The following PCDHGB5 variants were observed in gnomAD, a reference collection of about 807,000 sequenced individuals.
PCDHGB5 encodes protocadherin gamma subfamily B, 5.
In PCDHGB5, 48 loss-of-function variants were observed where a neutral mutation model predicts 62.9. The ratio of observed to expected loss-of-function variants is 0.76; its 90% CI spans 0.61 to 0.97. The LOEUF is 0.97. PCDHGB5 is among the 50% of genes least tolerant of loss of function. The probability of loss-of-function intolerance (pLI) is 0.00; values close to 1 mark genes in which losing one functional copy is unlikely to be tolerated. For missense variants in PCDHGB5, 1,118 were observed against 1,198.6 expected, an observed-to-expected ratio of 0.93 and a Z score of 0.99; for synonymous variants, 474 against 511.2, an observed-to-expected ratio of 0.93 and a Z score of 0.98.
At position 141,418,250 on chromosome 5, in the gene PCDHGB5, C is replaced by T. The variant is rs375149538; in HGVS notation, c.2397+17726C>T. ...GATTGAGGATGTTAATGACCACGCC[C>T]CTCAATTCCGGAAAGATGAAATAAA... On this transcript the variant is annotated intron_variant, in intron 1 of 3. Transcript: ENST00000617380. The T allele has an allele frequency of 2.5e-5, 40 of 1,613,876 alleles. No individual in the cohort carries two copies. The African/African-American group carries it at 3.6e-4, about 15-fold the overall frequency.
chr5:141,419,274 C>T lies in PCDHGB5; in HGVS notation c.2397+18750C>T, dbSNP rs755798236. 17 of 1,613,900 alleles carry T rather than the reference C, an allele frequency of 1.1e-5. No homozygotes were observed. Among genetic ancestry groups the T allele is most frequent in the African/African-American group, 1.3e-5 (1 of 74,948 alleles). ...AACAACCAGCCGGGTGCCTCCATAG[C>T]GCAAGTCAGTGCCTCTGACCCAGAC... is the stretch of plus-strand genomic sequence containing the variant. On this transcript the variant is annotated intron_variant, in intron 1 of 3. Transcript: ENST00000617380.
Position 141,489,268 on chromosome 5 carries a change from G to T in PCDHGB5, c.2398-5539G>T. On this transcript the variant is annotated intron_variant, in intron 1 of 3. Transcript: ENST00000617380. This position sits in a 1 kb window ranked among gnomAD's most constrained non-coding sequence, Gnocchi z 4.5. The stretch of plus-strand genomic sequence containing the variant: ...GGGGCCCAAGACACTCCCACAGCTC[G>T]CTGGGAAATGGCAAGTGCTGTGCAT... The T allele has an allele frequency of 3.9e-6, 6 of 1,553,284 alleles. No homozygotes were observed. The South Asian group carries it at 5.0e-5, about 13-fold the overall frequency.
At position 141,490,561 on chromosome 5, in the gene PCDHGB5, A is replaced by C. The variant is rs2099701634; in HGVS notation, c.2398-4246A>C. The stretch of plus-strand genomic sequence containing the variant: ...TTCCCTACACAAACATCTCACCATC[A>C]GGCTCAACATTTCAGATGTCAATGA... On this transcript the variant is annotated intron_variant, in intron 1 of 3. Transcript: ENST00000617380. The surrounding 1 kb of genome is among the most constrained non-coding windows in gnomAD (Gnocchi z 5.4). The C allele has an allele frequency of 1.2e-6, 2 of 1,614,090 alleles. No homozygotes were observed. The highest frequency in any genetic ancestry group is 1.7e-4 in the Middle Eastern group (1 of 6,060).
chr5:141,485,466 T>C lies in PCDHGB5; in HGVS notation c.2398-9341T>C, dbSNP rs1485922901. ...ATCGACCGAGAGGCACTGTGTGGGC[T>C]CAGTGCCAGCTGCATCGTGCCCCTG... On this transcript the variant is annotated intron_variant, in intron 1 of 3. Transcript: ENST00000617380. The surrounding 1 kb of genome is among the most constrained non-coding windows in gnomAD (Gnocchi z 5.7). 6.2e-7 allele frequency: 1 copy of C among 1,613,868 alleles called. No individual in the cohort carries two copies. Among genetic ancestry groups the C allele is most frequent in the Non-Finnish European group, 8.5e-7 (1 of 1,179,924 alleles).
At chr5:141,479,486 A>T (rs72790065) in intron 1 of PCDHGB5, 21,264 of 152,292 alleles carry the variant, frequency 0.14, 1,529 homozygotes, top group Admixed American at 0.16. Context: ...GGGCAGGACC[A>T]TCAGGTTGCC....
At chr5:141,500,250 C>T (rs913074120) in intron 2 of PCDHGB5, among the ~76,000 whole-genome samples, 4 of 149,826 alleles carry the variant, frequency 2.7e-5, no homozygotes, top group African/African-American at 9.9e-5. Flanking sequence ...GCTCTGTCAC[C>T]CAGGCTGGAC....
At chr5:141,421,829 T>G in intron 1 of PCDHGB5, 5 of 1,613,784 alleles carry the variant, frequency 3.1e-6, no homozygotes, top group Non-Finnish European at 4.2e-6. Context: ...GAGGGAAGCC[T>G]GGACCGAGAG....
intron 1 of PCDHGB5, chr5:141,414,036 A>G: frequency 6.2e-7 from 1 of 1,612,018 alleles, no homozygotes; most frequent in South Asian, 1.1e-5. Context: ...CATTCCGAAA[A>G]TTACCTGACA....
Position 141,465,218 on chromosome 5 carries a change from A to G in PCDHGB5, c.2398-29589A>G, listed in dbSNP as rs151158068. ...ATAAAAATATAAGCTTTATTTTTCA[A>G]CATGAGCTCCATCAAGTTCAAGGCA... On this transcript the variant is annotated intron_variant, in intron 1 of 3. Coordinates refer to ENST00000617380, the MANE Select transcript of PCDHGB5 (RefSeq NM_018925.3). Among the ~76,000 whole-genome samples, 591 of 152,288 alleles carry G rather than the reference A, an allele frequency of 3.9e-3. 6 individuals carry two copies. The highest frequency in any genetic ancestry group is 0.011 in the Admixed American group (171 of 15,290).
intron 1 of PCDHGB5, among the ~76,000 whole-genome samples, chr5:141,472,346 C>G (rs1393301393): frequency 6.6e-6 from 1 of 151,722 alleles, no homozygotes; most frequent in Non-Finnish European, 1.5e-5. Flanking sequence ...TCGAGACCAT[C>G]CTGGCTAACA....
intron 1 of PCDHGB5, among the ~76,000 whole-genome samples, chr5:141,484,281 C>T (rs969039536): frequency 6.6e-6 from 1 of 152,202 alleles, no homozygotes; most frequent in Admixed American, 6.5e-5. Context: ...TGTTTTGAAA[C>T]ATCTCCCTCT....
intron 1 of PCDHGB5, chr5:141,423,261 C>T (rs1181343306): frequency 6.2e-7 from 1 of 1,613,870 alleles, no homozygotes; most frequent in Non-Finnish European, 8.5e-7. Flanking sequence ...ACCTCGGCAG[C>T]CTCGAGTCTC....
intron 1 of PCDHGB5, chr5:141,404,341 A>C (rs2094516146): frequency 3.1e-6 from 5 of 1,613,966 alleles, no homozygotes; most frequent in Non-Finnish European, 4.2e-6. Context: ...ACCTCCCGGA[A>C]AACAACGCCA....
chr5:141,498,713 C>T (rs1216279302), intron 2 of PCDHGB5, among the ~76,000 whole-genome samples: 1 of 152,148 alleles, frequency 6.6e-6, no homozygotes, highest in East Asian at 1.9e-4. Flanking sequence ...GGGTGGATCA[C>T]CTGAGGTCAG....
chr5:141,403,079 T>A (rs770770660), intron 1 of PCDHGB5: 1 of 1,614,064 alleles, frequency 6.2e-7, no homozygotes, highest in East Asian at 2.2e-5. Context: ...AGAAAAGGGC[T>A]ATATTGTGGG....
chr5:141,420,205 C>T (rs776838072), intron 1 of PCDHGB5: 14 of 1,612,942 alleles, frequency 8.7e-6, no homozygotes, highest in African/African-American at 1.3e-5. Context: ...ATAACCTCAA[C>T]AAAGATAGCA....
chr5:141,460,792 A>T (rs1028557260), intron 1 of PCDHGB5, among the ~76,000 whole-genome samples: 30 of 152,012 alleles, frequency 2.0e-4, no homozygotes, highest in Non-Finnish European at 2.9e-5. Context: ...ATATACACAC[A>T]AAGTATATAT....
intron 1 of PCDHGB5, chr5:141,415,589 T>C: frequency 1.2e-6 from 2 of 1,614,062 alleles, no homozygotes; most frequent in Non-Finnish European, 1.7e-6. Flanking sequence ...AAGTTTCCTA[T>C]AGAGGATACC....
chr5:141,490,688 CTG>C lies in PCDHGB5; in HGVS notation c.2398-4118_2398-4117del. 6.2e-7 allele frequency: 1 copy of C among 1,614,218 alleles called. No homozygotes were observed. On this transcript the variant is annotated intron_variant, in intron 1 of 3. Coordinates refer to ENST00000617380, the MANE Select transcript of PCDHGB5 (RefSeq NM_018925.3). This position sits in a 1 kb window ranked among gnomAD's most constrained non-coding sequence, Gnocchi z 5.4. ...ACTGTGGCTGCCTCAGATCCAGACA[CTG>C]GGGATAATGCCCGCCTCACCTACTC... is the stretch of plus-strand genomic sequence containing the variant.
Sources: allele counts gnomAD v4.1 joint callset (sites outside exome capture counted in the v4.1 genomes callset), GRCh38; gene constraint gnomAD v4.1.1; non-coding constraint Gnocchi (gnomAD v3.1); transcripts MANE v1.5; gene names NCBI Gene and HGNC (gene_info 2026-07-23, HGNC 2026-07-21).